The following IL31RA variants were observed in gnomAD, a reference collection of about 807,000 sequenced individuals.
IL31RA encodes the protein interleukin-31 receptor subunit alpha.
A neutral mutation model predicts 83.7 loss-of-function variants in IL31RA; 66 were observed. The ratio of observed to expected loss-of-function variants is 0.79; its 90% CI spans 0.65 to 0.97. The LOEUF is 0.97. Among genes scored for constraint, IL31RA ranks in the 50% least tolerant of loss-of-function variants. The pLI is 0.00. For synonymous variants in IL31RA, 325 were observed against 329.0 expected (o/e 0.99, Z 0.13); for missense variants, 798 against 919.4 (o/e 0.87, Z 1.71).
chr5:55,906,775 T>C (rs1443617729), intron 9 of IL31RA, among the ~76,000 whole-genome samples: 2 of 152,228 alleles, frequency 1.3e-5, no homozygotes, highest in Non-Finnish European at 2.9e-5. Flanking sequence ...TTTTATTTTC[T>C]AGAGACAGGG....
intron 11 of IL31RA, chr5:55,908,618 C>T: frequency 6.5e-7 from 1 of 1,549,594 alleles, no homozygotes; most frequent in Non-Finnish European, 8.7e-7. Flanking sequence ...AGTGACAGTA[C>T]CTGAGAGGAG....
In IL31RA at chr5:55,900,077, T is replaced by C; in HGVS notation, c.1014T>C (p.Asn338=). ...TTTGGGTGTCTATGATTTCTTATAA[T>C]TCTCTTGGGAAGTCTCCAGTGGCCA... ...ESFWVSMISY[N]SLGKSPVATL... Residue 338 remains asparagine, a synonymous_variant, in exon 8 of 15, where the codon AAT becomes AAC. Coordinates refer to ENST00000652347, the MANE Select transcript of IL31RA (RefSeq NM_139017.7). 2 of 1,614,158 alleles carry C rather than the reference T, an allele frequency of 1.2e-6. No homozygotes were observed. Among genetic ancestry groups the C allele is most frequent in the Non-Finnish European group, 1.7e-6 (2 of 1,180,006 alleles).
At chr5:55,889,904 T>C in intron 5 of IL31RA, 66 bp from the exon 6 acceptor site, 1 of 1,426,784 alleles carries the variant, frequency 7.0e-7, no homozygotes, top group South Asian at 1.2e-5. Context: ...CACTAGGTAG[T>C]GAAGAGGAAA....
chr5:55,851,991 G>A (rs1267992977), intron 1 of IL31RA, among the ~76,000 whole-genome samples: 1 of 152,098 alleles, frequency 6.6e-6, no homozygotes, highest in Admixed American at 6.6e-5. Flanking sequence ...AAATGTATAT[G>A]CTCAATTGGT....
chr5:55,922,245 G>A lies in IL31RA; in HGVS notation c.*5125G>A. 1 of 708,126 alleles carries A rather than the reference G, an allele frequency of 1.4e-6. No individual in the cohort carries two copies. Among genetic ancestry groups the A allele is most frequent in the Non-Finnish European group, 2.6e-6 (1 of 388,678 alleles). The allele number at this position is 708,126 out of a possible 1,614,324, so 43.9% of individuals were successfully genotyped here. The stretch of plus-strand genomic sequence containing the variant: ...CTCTATGCAGGGCTGTGCTGCCCAA[G>A]ACGCTTGTCGTGTGCTGATGAAAAG... On this transcript the variant is annotated 3_prime_UTR_variant, in exon 15 of 15. Coordinates refer to ENST00000652347, the MANE Select transcript of IL31RA (RefSeq NM_139017.7).
At chr5:55,901,047 T>A (rs1207528927) in intron 8 of IL31RA, among the ~76,000 whole-genome samples, 1 of 152,228 alleles carries the variant, frequency 6.6e-6, no homozygotes, top group African/African-American at 2.4e-5. Context: ...GTTCAGACAT[T>A]TACACAACCA....
intron 5 of IL31RA, among the ~76,000 whole-genome samples, chr5:55,883,645 ACTT>A (rs1258802384): frequency 1.7e-4 from 26 of 152,182 alleles, no homozygotes; most frequent in Non-Finnish European, 2.9e-5. Context: ...CAAGAATAGA[ACTT>A]CTCCAGGATG....
chr5:55,883,525 C>T (rs1317928998), intron 5 of IL31RA, among the ~76,000 whole-genome samples: 1 of 152,032 alleles, frequency 6.6e-6, no homozygotes, highest in Admixed American at 6.6e-5. Context: ...ATTTTTCTGA[C>T]CTTTTATAAA....
intron 7 of IL31RA, among the ~76,000 whole-genome samples, chr5:55,898,245 C>T (rs976097226): frequency 3.3e-5 from 5 of 152,098 alleles, no homozygotes; most frequent in Admixed American, 6.5e-5. Context: ...GGGCAGCTTG[C>T]GAAGTAGAGA....
rs1168612968 is a variant in IL31RA, at chr5:55,918,196, C to G, written c.*1076C>G. Among the ~76,000 whole-genome samples, 1 of 152,168 alleles carries G rather than the reference C, an allele frequency of 6.6e-6. No individual in the cohort carries two copies. Among genetic ancestry groups the G allele is most frequent in the Non-Finnish European group, 1.5e-5 (1 of 68,030 alleles). On this transcript the variant is annotated 3_prime_UTR_variant, in exon 15 of 15. Coordinates refer to ENST00000652347, the MANE Select transcript of IL31RA (RefSeq NM_139017.7). The stretch of plus-strand genomic sequence containing the variant: ...ACAGAGTCAGCTGTGACTCCCTTGA[C>G]CTTTGTGGGAGGCCACTAGGAGGCT...
In IL31RA at chr5:55,913,501, C is replaced by A; in HGVS notation, c.1667C>A (p.Thr556Asn). The stretch of plus-strand genomic sequence containing the variant: ...GGTGTCTTTGAGATTATCCTCATAA[C>A]TTCTCTGATTGGTGGAGGCCTTCTT... Reference protein sequence around the residue: ...SFSVFEIILITSLIGGGLLIL... With the variant: ...SFSVFEIILINSLIGGGLLIL... The change falls in exon 13 of 15, where the codon ACT becomes AAT. Residue 556 changes from threonine (T) to asparagine (N), a missense_variant. By Grantham distance (65) the Thr-to-Asn change is moderately conservative. Transcript: ENST00000652347. 2 of 1,613,124 alleles carry A rather than the reference C, an allele frequency of 1.2e-6. No homozygotes were observed. The highest frequency in any genetic ancestry group is 1.7e-6 in the Non-Finnish European group (2 of 1,179,028).
chr5:55,900,335 G>A (rs1050701354), intron 8 of IL31RA, among the ~76,000 whole-genome samples: 4 of 152,178 alleles, frequency 2.6e-5, no homozygotes, highest in Non-Finnish European at 5.9e-5. Flanking sequence ...CAAAGCCTGC[G>A]TTAAAAATCA....
At position 55,899,840 on chromosome 5, in the gene IL31RA, C is replaced by T. The variant is rs1748698970; in HGVS notation, c.853-76C>T. The T allele has an allele frequency of 9.1e-6, 9 of 990,764 alleles. No individual in the cohort carries two copies. The Middle Eastern group carries it at 7.0e-4, about 78-fold the overall frequency. 61.4% of individuals were successfully genotyped at this position (990,764 alleles called of 1,614,324 possible). On this transcript the variant is annotated intron_variant, in intron 7 of 14. Transcript: ENST00000652347. ...GTTAGCCTTATTCCCCACCCTCACC[C>T]CCACCGCTTCTCACTGTCTCAATGC...
At chr5:55,881,520 G>A (rs1050820484) in intron 4 of IL31RA, among the ~76,000 whole-genome samples, 1 of 151,798 alleles carries the variant, frequency 6.6e-6, no homozygotes, top group Non-Finnish European at 1.5e-5. Flanking sequence ...CTTACGGTGA[G>A]CTGCCCACTT....
intron 6 of IL31RA, among the ~76,000 whole-genome samples, chr5:55,891,524 C>G (rs888422543): frequency 3.9e-5 from 6 of 152,104 alleles, no homozygotes; most frequent in African/African-American, 1.4e-4. Context: ...CATTCTTTGG[C>G]TTGTGGTCCT....
In IL31RA at chr5:55,922,349, G is replaced by C; in HGVS notation, c.*5229G>C. The stretch of plus-strand genomic sequence containing the variant: ...ACCTGCTGTCAGCAATGCTCTCGTG[G>C]CTGTTCAAGGGAAGTGAGATACTTG... On this transcript the variant is annotated 3_prime_UTR_variant, in exon 15 of 15. Transcript: ENST00000652347. 5 of 1,510,790 alleles carry C rather than the reference G, an allele frequency of 3.3e-6. No homozygotes were observed. Among genetic ancestry groups the C allele is most frequent in the Non-Finnish European group, 4.5e-6 (5 of 1,110,458 alleles). The allele number at this position is 1,510,790 out of a possible 1,614,324, so 93.6% of individuals were successfully genotyped here. A position where few individuals can be genotyped will look rare whatever the true frequency, so the allele number is the denominator to read the frequency against.
At chr5:55,867,327 G>T (rs200002416) in intron 2 of IL31RA, among the ~76,000 whole-genome samples, 8,024 of 148,290 alleles carry the variant, frequency 0.054, 502 homozygotes, top group African/African-American at 0.14. Flanking sequence ...GCGTGTGTGT[G>T]TGTGTGTGTA....
upstream of IL31RA, among the ~76,000 whole-genome samples, chr5:55,848,697 C>T (rs539665549): frequency 5.3e-5 from 8 of 152,178 alleles, no homozygotes; most frequent in East Asian, 3.9e-4. Context: ...GTGGAATTCC[C>T]GGATTAAAGG....
At chr5:55,900,246 G>A in intron 8 of IL31RA, 114 bp downstream of exon 8, 1 of 796,996 alleles carries the variant, frequency 1.3e-6, no homozygotes, top group South Asian at 1.4e-5. Flanking sequence ...AAAATGGAGT[G>A]GGAACCTTTT....
Sources: allele counts gnomAD v4.1 joint callset (sites outside exome capture counted in the v4.1 genomes callset), GRCh38; gene constraint gnomAD v4.1.1; transcripts MANE v1.5; gene names NCBI Gene and HGNC (gene_info 2026-07-23, HGNC 2026-07-21).